The following POLN variants were observed in gnomAD, a reference collection of about 807,000 sequenced individuals.
POLN encodes DNA polymerase N.
POLN carries 108 observed loss-of-function variants against 113.5 expected under a neutral mutation model. The observed-to-expected ratio is 0.95, with a 90% confidence interval of 0.81 to 1.12. The LOEUF is 1.12. Ranked by LOEUF, POLN falls within the 50% of genes most tolerant of loss-of-function variation. The probability of loss-of-function intolerance (pLI) is 0.00; values close to 1 mark genes in which losing one functional copy is unlikely to be tolerated. For synonymous variants in POLN, 386 were observed against 391.5 expected (o/e 0.99, Z 0.17); for missense variants, 1,097 against 1,077.1 (o/e 1.02, Z -0.26).
chr4:2,123,632 A>G (rs1295198954), intron 19 of POLN, among the ~76,000 whole-genome samples: 3 of 150,494 alleles, frequency 2.0e-5, no homozygotes, highest in Non-Finnish European at 4.4e-5. Context: ...CTCAAAAAAA[A>G]AAAAAAAAAA....
intron 8 of POLN, among the ~76,000 whole-genome samples, chr4:2,178,043 G>A (rs982647145): frequency 2.6e-5 from 4 of 152,204 alleles, no homozygotes; most frequent in African/African-American, 9.6e-5. Context: ...AAGGGAGAGT[G>A]CATTTCTGCA....
intron 16 of POLN, among the ~76,000 whole-genome samples, chr4:2,151,733 G>A (rs1732300460): frequency 6.6e-6 from 1 of 152,138 alleles, no homozygotes; most frequent in Non-Finnish European, 1.5e-5. Flanking sequence ...CATGCTGTGT[G>A]GCTCCATTCA....
intron 16 of POLN, among the ~76,000 whole-genome samples, chr4:2,143,644 A>G (rs1320321649): frequency 6.6e-6 from 1 of 152,204 alleles, no homozygotes; most frequent in Non-Finnish European, 1.5e-5. Context: ...CAATTCCACG[A>G]TATCTCCCAA....
intron 16 of POLN, among the ~76,000 whole-genome samples, chr4:2,147,564 T>C (rs942441966): frequency 2.7e-5 from 4 of 150,610 alleles, no homozygotes; most frequent in Admixed American, 2.6e-4. Context: ...GCCATAATAC[T>C]GATCATGACC....
chr4:2,173,508 C>T (rs932164653), intron 11 of POLN, among the ~76,000 whole-genome samples: 1 of 149,010 alleles, frequency 6.7e-6, no homozygotes, highest in African/African-American at 2.5e-5. Flanking sequence ...TCATCTTTGC[C>T]CCGCCCCGCC....
At chr4:2,072,693 GGGGTCC>G (rs1730178478) in intron 25 of POLN, among the ~76,000 whole-genome samples, 1 of 152,140 alleles carries the variant, frequency 6.6e-6, no homozygotes, top group African/African-American at 2.4e-5. Flanking sequence ...AGCCCTCCCG[GGGGTCC>G]CTGACCTTGA....
At chr4:2,075,587 G>T in intron 23 of POLN, 68 bp from the exon 24 acceptor site, 1 of 1,545,314 alleles carries the variant, frequency 6.5e-7, no homozygotes, top group Non-Finnish European at 8.9e-7. Context: ...AGCCTGGCAG[G>T]GAGGGAGGGA....
intron 19 of POLN, among the ~76,000 whole-genome samples, chr4:2,108,481 A>ATATTGTT: frequency 6.6e-6 from 1 of 152,208 alleles, no homozygotes; most frequent in East Asian, 1.9e-4. Flanking sequence ...TGCAGAATAA[A>ATATTGTT]AAGAGGGAGA....
rs1235903231 is a variant in POLN at position 2,091,015 on chromosome 4, C to T, written c.2065+4836G>A. ...TGTTCTAGCAGAGTTTCTGTCCCCA[C>T]AGCATCAACTGAGGTTTGCCTTCAG... On this transcript the variant is annotated intron_variant, in intron 20 of 25. Transcript: ENST00000511885. Among the ~76,000 whole-genome samples the T allele has an allele frequency of 3.3e-5, 5 of 152,332 alleles. No homozygotes were observed. In the South Asian group the frequency reaches 8.3e-4, roughly 25 times the overall value.
At chr4:2,164,541 G>T (rs1457213504) in intron 13 of POLN, among the ~76,000 whole-genome samples, 3 of 142,826 alleles carry the variant, frequency 2.1e-5, no homozygotes, top group Non-Finnish European at 4.5e-5. Context: ...GGTGGCTCAC[G>T]CCTGTAATCC....
At chr4:2,096,220 T>C (rs563844342) in intron 19 of POLN, among the ~76,000 whole-genome samples, 35 of 152,314 alleles carry the variant, frequency 2.3e-4, no homozygotes, top group African/African-American at 7.9e-4. Flanking sequence ...ACCAAAGGCA[T>C]GCCCATCCAA....
chr4:2,241,839 T>A, intron 1 of POLN, 49 bp from the exon 2 acceptor site: 4 of 985,378 alleles, frequency 4.1e-6, no homozygotes, highest in Non-Finnish European at 4.8e-6. Context: ...GACACCGAGC[T>A]GCAGAAGACG....
At chr4:2,138,992 G>C (rs1731928206) in intron 16 of POLN, among the ~76,000 whole-genome samples, 1 of 151,850 alleles carries the variant, frequency 6.6e-6, no homozygotes, top group Non-Finnish European at 1.5e-5. Context: ...AGAGGGTTGA[G>C]ACTGGTGAGC....
At chr4:2,189,661 AT>A (rs1733387815) in intron 7 of POLN, among the ~76,000 whole-genome samples, 2 of 151,868 alleles carry the variant, frequency 1.3e-5, no homozygotes, top group African/African-American at 4.8e-5. Context: ...AAGAAAAAAA[AT>A]CAATGTTACA....
intron 16 of POLN, among the ~76,000 whole-genome samples, chr4:2,155,560 G>T (rs1035054766): frequency 1.3e-5 from 2 of 152,146 alleles, no homozygotes; most frequent in Non-Finnish European, 2.9e-5. Flanking sequence ...ACCCTTAATG[G>T]AGGGAACCCA....
At chr4:2,238,643 G>A in intron 2 of POLN, 3 of 1,609,450 alleles carry the variant, frequency 1.9e-6, no homozygotes, top group Non-Finnish European at 2.6e-6. Context: ...GGTATTCCTT[G>A]GATTTATCTG....
chr4:2,086,519 A>G lies in POLN; in HGVS notation c.2066-775T>C, dbSNP rs572911798. 2.0e-5 allele frequency among the ~76,000 whole-genome samples: 3 copies of G among 152,206 alleles called. No individual in the cohort carries two copies. In the South Asian group the frequency reaches 6.2e-4, roughly 32 times the overall value. ...ACAAGAGCCCTTATCCTCAGCTGGGAGCCCCATGAGCTAAGGCATGGGAAG... is the reference window on the plus strand; with the variant it reads ...ACAAGAGCCCTTATCCTCAGCTGGGGGCCCCATGAGCTAAGGCATGGGAAG... On this transcript the variant is annotated intron_variant, in intron 20 of 25. Transcript: ENST00000511885.
At chr4:2,132,556 GA>G (rs1443396116) in intron 16 of POLN, among the ~76,000 whole-genome samples, 1 of 152,158 alleles carries the variant, frequency 6.6e-6, no homozygotes, top group Non-Finnish European at 1.5e-5. Context: ...TCAAACTGCT[GA>G]AAAAACTGTG....
At chr4:2,232,379 A>G (rs1267136587) in intron 2 of POLN, among the ~76,000 whole-genome samples, 4 of 152,310 alleles carry the variant, frequency 2.6e-5, no homozygotes, top group Admixed American at 2.6e-4. Context: ...AAGTGATTCA[A>G]AGGAAACTCT....
Sources: gnomAD v4.1 joint callset for allele counts (sites outside exome capture counted in the v4.1 genomes callset) on GRCh38, gnomAD v4.1.1 for gene constraint, MANE v1.5 for transcripts, NCBI Gene and HGNC (gene_info 2026-07-23, HGNC 2026-07-21) for gene names.